LTA4H: variants seen among roughly 807,000 people sequenced by gnomAD.
The protein encoded by LTA4H is leukotriene A-4 hydrolase.
A neutral mutation model predicts 89.8 loss-of-function variants in LTA4H; 59 were observed. The ratio of observed to expected loss-of-function variants is 0.66; its 90% confidence interval spans 0.53 to 0.82. LTA4H has a LOEUF of 0.82. LTA4H is among the 40% of genes least tolerant of loss of function. The probability of loss-of-function intolerance (pLI) is 0.00; values close to 1 mark genes in which losing one functional copy is unlikely to be tolerated. For missense variants in LTA4H, 617 were observed against 727.0 expected (o/e 0.85, Z 1.74); for synonymous variants, 227 against 253.1 (o/e 0.90, Z 0.98).
At chr12:96,016,844 T>C (rs1950384184) in intron 10 of LTA4H, among the ~76,000 whole-genome samples, 200 bp downstream of exon 10, 1 of 151,170 alleles carries the variant, frequency 6.6e-6, no homozygotes, top group Non-Finnish European at 1.5e-5. Flanking sequence ...GAGCTTGCAG[T>C]GAGCTAGATC....
chr12:96,030,154 C>A (rs1950557010), intron 1 of LTA4H, among the ~76,000 whole-genome samples: 1 of 152,262 alleles, frequency 6.6e-6, no homozygotes, highest in Admixed American at 6.5e-5. Flanking sequence ...CTGGTTAAAA[C>A]CCCTTCCTTC....
upstream of LTA4H, among the ~76,000 whole-genome samples, chr12:96,035,944 T>C (rs1219228973): frequency 1.3e-5 from 2 of 152,082 alleles, no homozygotes; most frequent in Non-Finnish European, 2.9e-5. Flanking sequence ...TCAGGTTCAT[T>C]GGTGTTTGCA....
rs1255650471 is a variant in LTA4H at position 96,013,267 on chromosome 12, A to G, written c.1309-9T>C. On this transcript the variant is annotated splice_polypyrimidine_tract_variant and intron_variant, in intron 13 of 18. Coordinates refer to ENST00000228740, the MANE Select transcript of LTA4H (RefSeq NM_000895.3). Reference sequence around the variant, plus strand: ...TGATTGAGAACATCAACCTATGAATAGTAAGAATTCACAGTTTACAATAGA... The same window carrying G: ...TGATTGAGAACATCAACCTATGAATGGTAAGAATTCACAGTTTACAATAGA... 1.9e-6 allele frequency: 3 copies of G among 1,600,162 alleles called. No individual in the cohort carries two copies. The highest frequency in any genetic ancestry group is 2.6e-6 in the Non-Finnish European group (3 of 1,167,568).
chr12:96,016,959 A>C, intron 10 of LTA4H, 85 bp downstream of exon 10: 1 of 906,652 alleles, frequency 1.1e-6, no homozygotes, highest in Non-Finnish European at 1.8e-6. Context: ...CAAGAGATAC[A>C]CACAAAACAA....
rs780672875 is a variant in LTA4H at position 96,035,550 on chromosome 12, T to C, written c.-31A>G. The C allele has an allele frequency of 3.2e-6, 5 of 1,573,322 alleles. No homozygotes were observed. The highest frequency in any genetic ancestry group is 3.5e-6 in the Non-Finnish European group (4 of 1,155,362). ...TGGGGGATCACACAGCACAGCGACC[T>C]ACAGCCCAACGCTCAGCTACCAGAC... On this transcript the variant is annotated 5_prime_UTR_variant, in exon 1 of 19. Coordinates refer to ENST00000228740, the MANE Select transcript of LTA4H (RefSeq NM_000895.3).
At chr12:96,024,044 C>T (rs912081450) in intron 4 of LTA4H, among the ~76,000 whole-genome samples, 14 of 152,006 alleles carry the variant, frequency 9.2e-5, no homozygotes, top group African/African-American at 3.4e-4. Flanking sequence ...ATTCTCCTGC[C>T]TCAGCCTGCC....
intron 17 of LTA4H, chr12:96,003,593 A>AT (rs879893467): frequency 0.038 from 9,540 of 249,974 alleles, 61 homozygotes; most frequent in African/African-American, 0.055. Flanking sequence ...CTTCATTCTA[A>AT]TTTTTTTTTT....
chr12:96,035,587 G>C lies in LTA4H; in HGVS notation c.-68C>G. ...CTCAGCTACCAGACTCGTCGATAGA[G>C]AACCTGAGGAGGAGGGAGAGAGGTA... On this transcript the variant is annotated 5_prime_UTR_variant, in exon 1 of 19. Coordinates refer to ENST00000228740, the MANE Select transcript of LTA4H (RefSeq NM_000895.3). The C allele has an allele frequency of 3.3e-6, 5 of 1,510,540 alleles. No homozygotes were observed. Among genetic ancestry groups the C allele is most frequent in the Non-Finnish European group, 4.5e-6 (5 of 1,118,376 alleles). The allele number at this position is 1,510,540 out of a possible 1,614,324, so 93.6% of individuals were successfully genotyped here.
chr12:96,034,699 C>T (rs1271823452), intron 1 of LTA4H, among the ~76,000 whole-genome samples: 2 of 152,202 alleles, frequency 1.3e-5, no homozygotes, highest in Non-Finnish European at 2.9e-5. Flanking sequence ...GAGGCCTGCC[C>T]GGCCGGGGCT....
rs1482197821 is a variant in LTA4H at position 96,003,925 on chromosome 12, G to A, written c.1531-5C>T. 5 of 1,592,360 alleles carry A rather than the reference G, an allele frequency of 3.1e-6. No individual in the cohort carries two copies. The Admixed American group carries it at 8.5e-5, about 27-fold the overall frequency. On this transcript the variant is annotated splice_region_variant and splice_polypyrimidine_tract_variant and intron_variant, in intron 16 of 18. Coordinates refer to ENST00000228740, the MANE Select transcript of LTA4H (RefSeq NM_000895.3). ...GTGCCCCAATGGAAGAGGTGCCTAA[G>A]AGCAAAATAAAGAAGTATACCGTAT... is the stretch of plus-strand genomic sequence containing the variant.
chr12:96,018,134 T>G (rs1440824470), intron 8 of LTA4H, among the ~76,000 whole-genome samples: 2 of 152,212 alleles, frequency 1.3e-5, no homozygotes, highest in African/African-American at 2.4e-5. Context: ...TGGTATAGTC[T>G]GATTGTCTGG....
intron 1 of LTA4H, among the ~76,000 whole-genome samples, chr12:96,032,365 C>T (rs1001858317): frequency 5.3e-5 from 8 of 152,234 alleles, no homozygotes; most frequent in African/African-American, 1.9e-4. Context: ...CATCTCACCT[C>T]TGAAATACAG....
At chr12:96,027,753 C>CT (rs746603863) in intron 2 of LTA4H, 189 bp from the exon 3 acceptor site, 1 of 366,256 alleles carries the variant, frequency 2.7e-6, no homozygotes, top group Non-Finnish European at 4.9e-6. Context: ...AATTGCCAGC[C>CT]TGTGGGTCCT....
upstream of LTA4H, among the ~76,000 whole-genome samples, chr12:96,038,191 ATTCT>A (rs1292928231): frequency 6.6e-6 from 1 of 152,174 alleles, no homozygotes; most frequent in Non-Finnish European, 1.5e-5. Context: ...GTATGGTTCA[ATTCT>A]CTATCAAAAG....
intron 1 of LTA4H, among the ~76,000 whole-genome samples, chr12:96,034,233 T>A (rs1265149169): frequency 6.6e-6 from 1 of 152,224 alleles, no homozygotes; most frequent in Non-Finnish European, 1.5e-5. Context: ...ACATGTAGCA[T>A]CCTGCCCTGG....
Position 96,006,370 on chromosome 12 carries a change from G to C in LTA4H, c.1474C>G (p.Leu492Val). 1 of 1,611,572 alleles carries C rather than the reference G, an allele frequency of 6.2e-7. No individual in the cohort carries two copies. ...DDLNSFNATD[L>V]KDLSSHQLNE... ...AATTGATGAGAAGAGAGATCCTTCA[G>C]GTCTGTGGCATTGAATGAATTTAAA... Residue 492 changes from leucine to valine, a missense_variant, in exon 16 of 19, where the codon CTG (leucine) becomes GTG (valine). Physicochemically the swap from Leu to Val is conservative, Grantham distance 32. Transcript: ENST00000228740.
At chr12:96,001,422 AC>A (rs1950101083) in intron 18 of LTA4H, among the ~76,000 whole-genome samples, 1 of 152,132 alleles carries the variant, frequency 6.6e-6, no homozygotes, top group Admixed American at 6.5e-5. Flanking sequence ...GCAGCAAGTT[AC>A]AGGGAAGGGC....
chr12:96,015,176 C>A, intron 11 of LTA4H, 177 bp from the exon 12 acceptor site: 1 of 527,356 alleles, frequency 1.9e-6, no homozygotes, highest in South Asian at 3.1e-5. Flanking sequence ...TAATAGAATG[C>A]TTACTTAAGT....
At chr12:96,023,514 AAGAGCC>A (rs1228550181) in intron 4 of LTA4H, among the ~76,000 whole-genome samples, 1 of 152,040 alleles carries the variant, frequency 6.6e-6, no homozygotes, top group African/African-American at 2.4e-5. Context: ...AGTGGTGGAG[AAGAGCC>A]AGAGCCCTGG....
Sources: gnomAD v4.1 joint callset for allele counts (sites outside exome capture counted in the v4.1 genomes callset) on GRCh38, gnomAD v4.1.1 for gene constraint, MANE v1.5 for transcripts, NCBI Gene and HGNC (gene_info 2026-07-23, HGNC 2026-07-21) for gene names.